The following AGAP1 variants were observed in gnomAD, a reference collection of about 807,000 sequenced individuals.
The protein encoded by AGAP1 is ArfGAP with GTPase domain, ankyrin repeat and PH domain 1.
In AGAP1, 29 loss-of-function variants were observed where a neutral mutation model predicts 105.3. The observed-to-expected ratio is 0.28, with a 90% CI of 0.21 to 0.38. The LOEUF (loss-of-function observed/expected upper bound fraction) is 0.38, where lower values mean the gene tolerates loss of function less well. AGAP1 is among the 10% of genes least tolerant of loss of function. The pLI is 1.00. For missense variants in AGAP1, 998 were observed against 1,165.1 expected, an observed-to-expected ratio of 0.86 and a Z score of 2.09; for synonymous variants, 509 against 485.9, an observed-to-expected ratio of 1.05 and a Z score of -0.63.
intron 1 of AGAP1, among the ~76,000 whole-genome samples, chr2:235,536,626 T>TACACACACAC: frequency 1.6e-5 from 1 of 63,262 alleles, no homozygotes; most frequent in Non-Finnish European, 3.1e-5. Context: ...TGTCGCATCC[T>TACACACACAC]TCACACACAC....
At chr2:235,758,500 G>T (rs1161104039) in intron 6 of AGAP1, among the ~76,000 whole-genome samples, 1 of 151,826 alleles carries the variant, frequency 6.6e-6, no homozygotes, top group African/African-American at 2.4e-5. Context: ...ACTCATCACT[G>T]TCCCCGTCTC....
chr2:235,632,601 T>C (rs980843146), intron 1 of AGAP1, among the ~76,000 whole-genome samples: 3 of 152,202 alleles, frequency 2.0e-5, no homozygotes, highest in Admixed American at 6.5e-5. Context: ...GAAATCGGGC[T>C]GGGGTCTTGG....
chr2:235,575,710 G>C (rs1944710409), intron 1 of AGAP1, among the ~76,000 whole-genome samples: 1 of 152,226 alleles, frequency 6.6e-6, no homozygotes, highest in South Asian at 2.1e-4. Flanking sequence ...GCACAGGTTT[G>C]CATGCCTAAA....
At chr2:235,593,073 G>A (rs750247296) in intron 1 of AGAP1, among the ~76,000 whole-genome samples, 8 of 152,174 alleles carry the variant, frequency 5.3e-5, no homozygotes, top group Non-Finnish European at 7.3e-5. Context: ...GAGATGGCTC[G>A]GAAGTGAGGG....
At chr2:235,618,676 C>A (rs1460388045) in intron 1 of AGAP1, among the ~76,000 whole-genome samples, 1 of 152,122 alleles carries the variant, frequency 6.6e-6, no homozygotes, top group Non-Finnish European at 1.5e-5. Context: ...TTAATAGTGG[C>A]TGTTAATAAT....
rs1319754267 is a variant in AGAP1 at position 236,044,802 on chromosome 2, G to T, written c.1891+3961G>T. 1.3e-5 allele frequency among the ~76,000 whole-genome samples: 2 copies of T among 151,764 alleles called. No homozygotes were observed. The highest frequency in any genetic ancestry group is 1.3e-4 in the Admixed American group (2 of 15,242). On this transcript the variant is annotated intron_variant, in intron 15 of 17. Coordinates refer to ENST00000304032, the MANE Select transcript of AGAP1 (RefSeq NM_001037131.3). The surrounding 1 kb of genome is among the most constrained non-coding windows in gnomAD (Gnocchi z 5.7). Reference sequence around the variant, plus strand: ...ACACACACACACATCCCTACTCCCTGCTGTTCTGCCCTGGGGGCTTCCTGG... The same window carrying T: ...ACACACACACACATCCCTACTCCCTTCTGTTCTGCCCTGGGGGCTTCCTGG...
At chr2:235,653,158 T>C (rs1467028185) in intron 1 of AGAP1, among the ~76,000 whole-genome samples, 2 of 151,994 alleles carry the variant, frequency 1.3e-5, no homozygotes, top group Non-Finnish European at 2.9e-5. Flanking sequence ...CTAACCCTCT[T>C]ACCTTGCTAC....
intron 1 of AGAP1, among the ~76,000 whole-genome samples, chr2:235,500,665 C>A (rs192701100): frequency 1.7e-4 from 26 of 152,282 alleles, no homozygotes; most frequent in South Asian, 1.2e-3. Flanking sequence ...GGACTTAAAC[C>A]AGATCTGAAT....
chr2:235,914,847 G>T (rs1321483018), intron 11 of AGAP1, among the ~76,000 whole-genome samples: 1 of 152,210 alleles, frequency 6.6e-6, no homozygotes, highest in African/African-American at 2.4e-5. Context: ...GGCCAGTGTT[G>T]TCCCTGCCAC....
At chr2:235,526,914 T>C (rs1942861417) in intron 1 of AGAP1, among the ~76,000 whole-genome samples, 1 of 152,204 alleles carries the variant, frequency 6.6e-6, no homozygotes, top group Non-Finnish European at 1.5e-5. Flanking sequence ...AATGAAATAG[T>C]GGAACAGATA....
chr2:235,675,401 A>C (rs1410946979), intron 1 of AGAP1, among the ~76,000 whole-genome samples: 1 of 151,932 alleles, frequency 6.6e-6, no homozygotes, highest in Non-Finnish European at 1.5e-5. Context: ...CTGTGGTCTC[A>C]ATCTCCTGAC....
At chr2:235,513,623 A>G (rs1397101202) in intron 1 of AGAP1, among the ~76,000 whole-genome samples, 1 of 151,542 alleles carries the variant, frequency 6.6e-6, no homozygotes, top group Non-Finnish European at 1.5e-5. Flanking sequence ...GAACTTCATG[A>G]CGAGCCCCCT....
chr2:235,863,172 C>T (rs116918316), intron 9 of AGAP1, among the ~76,000 whole-genome samples: 10 of 152,194 alleles, frequency 6.6e-5, no homozygotes, highest in African/African-American at 2.4e-4. Context: ...TCCCTACTGT[C>T]CATAAGCTCA....
rs1034423954 is a variant in AGAP1 at position 235,878,632 on chromosome 2, C to T, written c.1051-4713C>T. ...GCTCCTGGATTTAGCAAACAGAAACCGCTTCCTCTGGAGCCATGTGCACTC... is the reference window on the plus strand; with the variant it reads ...GCTCCTGGATTTAGCAAACAGAAACTGCTTCCTCTGGAGCCATGTGCACTC... On this transcript the variant is annotated intron_variant, in intron 9 of 17. Coordinates refer to ENST00000304032, the MANE Select transcript of AGAP1 (RefSeq NM_001037131.3). Among the ~76,000 whole-genome samples the T allele has an allele frequency of 2.0e-5, 3 of 152,176 alleles. No individual in the cohort carries two copies. In the East Asian group the frequency reaches 5.8e-4, roughly 29 times the overall value.
rs1358313015 is a variant in AGAP1 at position 235,951,230 on chromosome 2, G to T, written c.1484-17232G>T. On this transcript the variant is annotated intron_variant, in intron 12 of 17. Coordinates refer to ENST00000304032, the MANE Select transcript of AGAP1 (RefSeq NM_001037131.3). The surrounding 1 kb of genome is among the most constrained non-coding windows in gnomAD (Gnocchi z 4.2). Reference sequence around the variant, plus strand: ...AAGACACTTCCGACTTTGATCTGCAGTTGCGGATGAAGATGCTCACGAGTG... The same window carrying T: ...AAGACACTTCCGACTTTGATCTGCATTTGCGGATGAAGATGCTCACGAGTG... Among the ~76,000 whole-genome samples, 1 of 152,220 alleles carries T rather than the reference G, an allele frequency of 6.6e-6. No homozygotes were observed. Among genetic ancestry groups the T allele is most frequent in the East Asian group, 1.9e-4 (1 of 5,198 alleles).
chr2:235,731,427 C>T (rs944887169), intron 3 of AGAP1, among the ~76,000 whole-genome samples: 3 of 152,148 alleles, frequency 2.0e-5, no homozygotes, highest in African/African-American at 4.8e-5. Flanking sequence ...TTGTCCAAGA[C>T]GTGCTATTTT....
chr2:235,645,215 C>T (rs888125172), intron 1 of AGAP1, among the ~76,000 whole-genome samples: 4 of 152,112 alleles, frequency 2.6e-5, no homozygotes, highest in African/African-American at 9.7e-5. Flanking sequence ...GAGTTCTAAT[C>T]TTAGGCCTTC....
At chr2:235,774,913 C>T (rs990183223) in intron 6 of AGAP1, among the ~76,000 whole-genome samples, 6 of 152,176 alleles carry the variant, frequency 3.9e-5, no homozygotes, top group African/African-American at 9.6e-5. Context: ...GCTACAAAAA[C>T]GAAGCCACCA....
rs1193925325 is a variant in AGAP1 at position 235,622,614 on chromosome 2, T to C, written c.164-86565T>C. ...ACTTTGACGCTTCAGCCAACGTCGG[T>C]TTTGAGAATGCGACCTATGAAATTG... is the stretch of plus-strand genomic sequence containing the variant. On this transcript the variant is annotated intron_variant, in intron 1 of 17. Coordinates refer to ENST00000304032, the MANE Select transcript of AGAP1 (RefSeq NM_001037131.3). The surrounding 1 kb of genome is among the most constrained non-coding windows in gnomAD (Gnocchi z 5.0). Among the ~76,000 whole-genome samples the C allele has an allele frequency of 6.6e-6, 1 of 152,050 alleles. No homozygotes were observed. The highest frequency in any genetic ancestry group is 1.5e-5 in the Non-Finnish European group (1 of 68,028).
Sources: allele counts gnomAD v4.1 joint callset (sites outside exome capture counted in the v4.1 genomes callset), GRCh38; gene constraint gnomAD v4.1.1; non-coding constraint Gnocchi (gnomAD v3.1); transcripts MANE v1.5; gene names NCBI Gene and HGNC (gene_info 2026-07-23, HGNC 2026-07-21).